Variants in PFKFB3 observed in about 807,000 individuals in gnomAD.
PFKFB3 encodes the protein 6-phosphofructo-2-kinase/fructose-2,6-bisphosphatase 3.
A neutral mutation model predicts 68.0 loss-of-function variants in PFKFB3; 33 were observed. That is an observed-to-expected ratio of 0.49 (90% CI 0.37 to 0.65). PFKFB3 has a LOEUF of 0.65. Among genes scored for constraint, PFKFB3 ranks in the 30% least tolerant of loss-of-function variants. The probability of loss-of-function intolerance (pLI) is 0.00; values close to 1 mark genes in which losing one functional copy is unlikely to be tolerated. For synonymous variants in PFKFB3, 315 were observed against 288.2 expected (o/e 1.09, Z -0.94); for missense variants, 586 against 712.2 (o/e 0.82, Z 2.02).
intron 6 of PFKFB3, among the ~76,000 whole-genome samples, chr10:6,218,698 G>A (rs1353530781): frequency 1.3e-5 from 2 of 152,182 alleles, no homozygotes; most frequent in Admixed American, 6.5e-5. Context: ...CTCCCAAAGT[G>A]CTGGGATTAC....
Position 6,215,325 on chromosome 10 carries a change from T to C in PFKFB3, c.299+8T>C. ...AGCCATGAAAGTCCGGAAGTAAGGC[T>C]GGGCCGCGGGCGTAGGGCTGGGCTG... On this transcript the variant is annotated splice_region_variant and intron_variant, in intron 3 of 14. Coordinates refer to ENST00000379775, the MANE Select transcript of PFKFB3 (RefSeq NM_004566.4). This position sits in a 1 kb window ranked among gnomAD's most constrained non-coding sequence, Gnocchi z 4.3. 1.9e-6 allele frequency: 3 copies of C among 1,609,006 alleles called. No individual in the cohort carries two copies. In the South Asian group the frequency reaches 3.3e-5, roughly 18 times the overall value.
chr10:6,226,438 T>C (rs1845360165), intron 14 of PFKFB3, 73 bp downstream of exon 14: 2 of 1,453,964 alleles, frequency 1.4e-6, no homozygotes, highest in African/African-American at 1.4e-5. Context: ...TGGGATTGCG[T>C]GCGTGTGTGT....
chr10:6,150,418 G>A (rs1010088903), intron 1 of PFKFB3, among the ~76,000 whole-genome samples: 2 of 152,152 alleles, frequency 1.3e-5, no homozygotes, highest in East Asian at 3.8e-4. Context: ...CAGACCAGGC[G>A]TTCGAGACCA....
At chr10:6,150,395 C>T (rs1226239664) in intron 1 of PFKFB3, among the ~76,000 whole-genome samples, 1 of 152,122 alleles carries the variant, frequency 6.6e-6, no homozygotes, top group African/African-American at 2.4e-5. Context: ...TGAGTAAGGT[C>T]AGAGGATTAC....
chr10:6,254,098 T>A, intron 14 of PFKFB3: 1 of 4,260 alleles, frequency 2.3e-4, no homozygotes, highest in Non-Finnish European at 3.1e-3. Context: ...TTCAGATGGC[T>A]TTTTTTTTTT....
At chr10:6,253,177 T>C (rs10795939) in intron 14 of PFKFB3, among the ~76,000 whole-genome samples, 149,108 of 152,330 alleles carry the variant, frequency 0.98, 73,072 homozygotes, top group East Asian at 1. Context: ...CTCGGCCTCC[T>C]AAAGTGCTGG....
At position 6,223,909 on chromosome 10, in the gene PFKFB3, G is replaced by T. The variant is rs373047099; in HGVS notation, c.1214-49G>T. The T allele has an allele frequency of 7.1e-6, 11 of 1,546,916 alleles. No homozygotes were observed. In the Admixed American group the frequency reaches 1.7e-4, roughly 23 times the overall value. ...TGGGATTACAGGCGTGAGCCACCAC[G>T]CCTGGCCGTGTCTCATTTCTAACTG... On this transcript the variant is annotated intron_variant, in intron 11 of 14. Coordinates refer to ENST00000379775, the MANE Select transcript of PFKFB3 (RefSeq NM_004566.4).
intron 1 of PFKFB3, among the ~76,000 whole-genome samples, chr10:6,164,375 G>T (rs1842066587): frequency 6.6e-6 from 1 of 152,198 alleles, no homozygotes; most frequent in African/African-American, 2.4e-5. Flanking sequence ...GCGGGTGAAG[G>T]GTCAGGAAAT....
At chr10:6,297,126 G>A in the PFKFB3 span, among the ~76,000 whole-genome samples, 1 of 152,228 alleles carries the variant, frequency 6.6e-6, no homozygotes, top group Non-Finnish European at 1.5e-5. Flanking sequence ...CCAGGAAGTG[G>A]AATATTTTAG....
chr10:6,318,499 C>G, the PFKFB3 span, among the ~76,000 whole-genome samples: 1 of 152,182 alleles, frequency 6.6e-6, no homozygotes, highest in Non-Finnish European at 1.5e-5. Context: ...CTGTCCATTC[C>G]CGGAGCTGTG....
At chr10:6,247,564 C>A (rs1328501970) in intron 14 of PFKFB3, among the ~76,000 whole-genome samples, 2 of 152,324 alleles carry the variant, frequency 1.3e-5, no homozygotes, top group East Asian at 3.9e-4. Flanking sequence ...AAGCTGAGCT[C>A]CCCTCTCCCC....
At chr10:6,157,523 G>A (rs1323016282) in intron 1 of PFKFB3, among the ~76,000 whole-genome samples, 16 of 152,198 alleles carry the variant, frequency 1.1e-4, no homozygotes, top group Non-Finnish European at 2.1e-4. Context: ...ACGGCGCCCA[G>A]CCAATAGTTG....
rs7912007 is a variant in PFKFB3, at chr10:6,244,154, A to T, written c.1516-10024A>T. Among the ~76,000 whole-genome samples, 1,237 of 151,828 alleles carry T rather than the reference A, an allele frequency of 8.1e-3. 8 individuals are homozygous for T. Among genetic ancestry groups the T allele is most frequent in the Non-Finnish European group, 0.014 (923 of 67,894 alleles). On this transcript the variant is annotated intron_variant, in intron 14 of 14. Coordinates refer to the PFKFB3 transcript ENST00000640683. ...TACAGGTGTGAGCCACTGCACCTGAAGCTGGTGTCAGCGATTTCTTCCTCA... is the reference window on the plus strand; with the variant it reads ...TACAGGTGTGAGCCACTGCACCTGATGCTGGTGTCAGCGATTTCTTCCTCA...
At chr10:6,161,336 C>T (rs1190791319) in intron 1 of PFKFB3, among the ~76,000 whole-genome samples, 2 of 152,070 alleles carry the variant, frequency 1.3e-5, no homozygotes, top group Non-Finnish European at 2.9e-5. Flanking sequence ...TGACTCTTTA[C>T]CAGCAATATG....
chr10:6,229,094 A>G lies in PFKFB3; in HGVS notation c.1515+2729A>G, dbSNP rs781266401. On this transcript the variant is annotated intron_variant, in intron 14 of 14. Coordinates refer to ENST00000379775, the MANE Select transcript of PFKFB3 (RefSeq NM_004566.4). This position sits in a 1 kb window ranked among gnomAD's most constrained non-coding sequence, Gnocchi z 4.3. Reference sequence around the variant, plus strand: ...TCCTGTTTGCTCCTTAAGTTACCTTAACTACTTTATGCAGAAACTGGAAAG... The same window carrying G: ...TCCTGTTTGCTCCTTAAGTTACCTTGACTACTTTATGCAGAAACTGGAAAG... 5.7e-6 allele frequency: 3 copies of G among 529,714 alleles called. No individual in the cohort carries two copies. The highest frequency in any genetic ancestry group is 2.0e-5 in the Admixed American group (1 of 51,070). The allele number at this position is 529,714 out of a possible 1,614,324, so 32.8% of individuals were successfully genotyped here.
At chr10:6,167,127 C>T (rs1188280410) in intron 1 of PFKFB3, among the ~76,000 whole-genome samples, 1 of 152,172 alleles carries the variant, frequency 6.6e-6, no homozygotes, top group Non-Finnish European at 1.5e-5. Flanking sequence ...GCCTCCTAGC[C>T]TTTCTTTTTT....
At chr10:6,297,345 C>T in the PFKFB3 span, among the ~76,000 whole-genome samples, 5 of 152,162 alleles carry the variant, frequency 3.3e-5, no homozygotes, top group African/African-American at 9.7e-5. Flanking sequence ...GGTTAGGACA[C>T]AGGGATGATG....
chr10:6,152,807 G>A (rs1265794010), intron 1 of PFKFB3, among the ~76,000 whole-genome samples: 1 of 152,136 alleles, frequency 6.6e-6, no homozygotes, highest in East Asian at 1.9e-4. Flanking sequence ...CCTGAGCCTG[G>A]GAAGTTGAGG....
the PFKFB3 span, among the ~76,000 whole-genome samples, chr10:6,292,278 C>CTTTTTTTTTTTTTTTT: frequency 1.8e-5 from 1 of 54,280 alleles, no homozygotes; most frequent in Non-Finnish European, 3.1e-5. Flanking sequence ...TTTTTTTTTT[C>CTTTTTTTTTTTTTTTT]TTTTTTTTTT....
Sources: gnomAD v4.1 joint callset for allele counts (sites outside exome capture counted in the v4.1 genomes callset) on GRCh38, gnomAD v4.1.1 for gene constraint, Gnocchi (gnomAD v3.1) non-coding constraint, MANE v1.5 for transcripts, NCBI Gene and HGNC (gene_info 2026-07-23, HGNC 2026-07-21) for gene names.